The following DEPDC1B variants were observed in gnomAD, a reference collection of about 807,000 sequenced individuals.
DEPDC1B encodes DEP domain containing 1B.
A neutral mutation model predicts 66.5 loss-of-function variants in DEPDC1B; 51 were observed. That is an observed-to-expected ratio of 0.77 (90% CI 0.61 to 0.97). The LOEUF is 0.97. Among genes scored for constraint, DEPDC1B ranks in the 50% least tolerant of loss-of-function variants. The pLI is 0.00. For synonymous variants in DEPDC1B, 226 were observed against 223.6 expected (o/e 1.01, Z -0.10); for missense variants, 552 against 637.1 (o/e 0.87, Z 1.44).
intron 2 of DEPDC1B, among the ~76,000 whole-genome samples, chr5:60,653,139 C>T (rs920400948): frequency 2.0e-5 from 3 of 149,262 alleles, no homozygotes; most frequent in African/African-American, 7.6e-5. Flanking sequence ...TGTGGGATTG[C>T]TGGATCAAAT....
chr5:60,635,785 A>G (rs950705783), intron 7 of DEPDC1B, among the ~76,000 whole-genome samples: 1 of 152,214 alleles, frequency 6.6e-6, no homozygotes, highest in Non-Finnish European at 1.5e-5. Context: ...TTTTTTTTAA[A>G]AAAACAGAAA....
chr5:60,623,171 G>A (rs190938624), intron 7 of DEPDC1B, among the ~76,000 whole-genome samples: 1 of 152,080 alleles, frequency 6.6e-6, no homozygotes. Flanking sequence ...AGTGCATACA[G>A]TATACAGTAT....
chr5:60,618,597 G>A (rs1282672262), intron 7 of DEPDC1B, among the ~76,000 whole-genome samples: 3 of 152,162 alleles, frequency 2.0e-5, no homozygotes, highest in African/African-American at 7.2e-5. Context: ...GGAAGAAGTT[G>A]AATCTCTGAA....
At chr5:60,671,319 T>C (rs1203950118) in intron 2 of DEPDC1B, among the ~76,000 whole-genome samples, 1 of 152,180 alleles carries the variant, frequency 6.6e-6, no homozygotes, top group Non-Finnish European at 1.5e-5. Context: ...GGCAAGCGGA[T>C]CTGTGAAGCA....
rs529791149 is a variant in DEPDC1B, at chr5:60,618,414, G to C, written c.899-12558C>G. On this transcript the variant is annotated intron_variant, in intron 7 of 10. Transcript: ENST00000265036. ...AGCAAGACTAATAAAGAAGAAAAGAGAGAAGAATCAAATAGATGCAATAAA... is the reference window on the plus strand; with the variant it reads ...AGCAAGACTAATAAAGAAGAAAAGACAGAAGAATCAAATAGATGCAATAAA... Among the ~76,000 whole-genome samples the C allele has an allele frequency of 4.6e-5, 7 of 152,174 alleles. No homozygotes were observed. The South Asian group carries it at 1.2e-3, about 27-fold the overall frequency.
rs1471723800 is a variant in DEPDC1B at position 60,634,654 on chromosome 5, A to G, written c.898+4096T>C. ...GCCACTGCACTCCAGCCTGGGCAAC[A>G]CAGTGAGACTCTGTCTCAAAAAAAT... On this transcript the variant is annotated intron_variant, in intron 7 of 10. Coordinates refer to ENST00000265036, the MANE Select transcript of DEPDC1B (RefSeq NM_018369.3). 6.6e-5 allele frequency among the ~76,000 whole-genome samples: 10 copies of G among 151,150 alleles called. No homozygotes were observed. The East Asian group carries it at 1.2e-3, about 18-fold the overall frequency.
chr5:60,687,778 A>T (rs1287804154), intron 1 of DEPDC1B: 3 of 202,182 alleles, frequency 1.5e-5, no homozygotes, highest in African/African-American at 7.2e-5. Context: ...CAGCCGCCTC[A>T]GCCTCCCAAA....
At chr5:60,620,422 T>A (rs1752674491) in intron 7 of DEPDC1B, among the ~76,000 whole-genome samples, 3 of 152,000 alleles carry the variant, frequency 2.0e-5, no homozygotes, top group Non-Finnish European at 4.4e-5. Flanking sequence ...GAATCTACAA[T>A]GAACTCGAAC....
chr5:60,675,312 T>C (rs1754129793), intron 2 of DEPDC1B, among the ~76,000 whole-genome samples: 1 of 151,958 alleles, frequency 6.6e-6, no homozygotes, highest in Non-Finnish European at 1.5e-5. Context: ...ATGTATATTT[T>C]CATCATTATC....
intron 2 of DEPDC1B, among the ~76,000 whole-genome samples, chr5:60,679,863 T>C (rs1754257285): frequency 6.6e-6 from 1 of 152,184 alleles, no homozygotes; most frequent in Non-Finnish European, 1.5e-5. Flanking sequence ...CTAAGTTAGG[T>C]TTAAATAATA....
intron 8 of DEPDC1B, among the ~76,000 whole-genome samples, chr5:60,604,845 C>A (rs754270646): frequency 1.3e-5 from 2 of 152,082 alleles, no homozygotes; most frequent in African/African-American, 2.4e-5. Flanking sequence ...TCAAAAAGGT[C>A]TATTAGCCTC....
rs1451478293 is a variant in DEPDC1B, at chr5:60,645,528, T to C, written c.542A>G (p.Asn181Ser). ...LVHRRQLTEANVEEIWKSMTL... is the reference protein window; with the variant it reads ...LVHRRQLTEASVEEIWKSMTL... ...CATAGACTTCCATATCTCTTCTACATTGGCCTCTGTCAGCTGTCTGCGGTG... is the reference window on the plus strand; with the variant it reads ...CATAGACTTCCATATCTCTTCTACACTGGCCTCTGTCAGCTGTCTGCGGTG... Residue 181 changes from asparagine (N) to serine (S), a missense_variant, in exon 4 of 11, where the codon AAT (asparagine) becomes AGT (serine). Asn to Ser is a conservative substitution (Grantham distance 46). Transcript: ENST00000265036. 2 of 1,613,016 alleles carry C rather than the reference T, an allele frequency of 1.2e-6. No individual in the cohort carries two copies. Among genetic ancestry groups the C allele is most frequent in the African/African-American group, 1.3e-5 (1 of 74,882 alleles).
intron 2 of DEPDC1B, among the ~76,000 whole-genome samples, chr5:60,678,177 A>G (rs888144161): frequency 1.3e-5 from 2 of 152,086 alleles, no homozygotes; most frequent in Non-Finnish European, 2.9e-5. Context: ...ACATGTATAC[A>G]CTTGTGTATC....
chr5:60,602,165 G>A (rs1752212829), intron 9 of DEPDC1B, among the ~76,000 whole-genome samples: 1 of 150,408 alleles, frequency 6.6e-6, no homozygotes, highest in Admixed American at 6.6e-5. Context: ...GTGGGAAGGA[G>A]GGAAGGAAGG....
At chr5:60,695,221 G>T (rs1184245789) in intron 1 of DEPDC1B, among the ~76,000 whole-genome samples, 1 of 152,152 alleles carries the variant, frequency 6.6e-6, no homozygotes, top group Admixed American at 6.6e-5. Flanking sequence ...ATAAAGGAAA[G>T]AGGTTTAATC....
At chr5:60,653,510 C>G (rs951898632) in intron 2 of DEPDC1B, among the ~76,000 whole-genome samples, 29 of 152,266 alleles carry the variant, frequency 1.9e-4, no homozygotes, top group Admixed American at 1.8e-3. Flanking sequence ...AGTCCTTTGT[C>G]AGGTGCGTAC....
intron 2 of DEPDC1B, among the ~76,000 whole-genome samples, chr5:60,679,081 G>A (rs1754233693): frequency 6.6e-6 from 1 of 152,132 alleles, no homozygotes; most frequent in Non-Finnish European, 1.5e-5. Flanking sequence ...GGTTTATGTT[G>A]AGGTTCTTTT....
intron 2 of DEPDC1B, among the ~76,000 whole-genome samples, chr5:60,651,348 T>C (rs1933090767): frequency 6.6e-6 from 1 of 151,996 alleles, no homozygotes; most frequent in Non-Finnish European, 1.5e-5. Context: ...GCCAACATCG[T>C]GAAATCTCGT....
intron 1 of DEPDC1B, 95 bp from the exon 2 acceptor site, chr5:60,687,322 A>T: frequency 7.1e-7 from 1 of 1,406,184 alleles, no homozygotes; most frequent in African/African-American, 1.4e-5. Flanking sequence ...CAATTTTTCC[A>T]CTTAAACTGC....
Sources: allele counts gnomAD v4.1 joint callset (sites outside exome capture counted in the v4.1 genomes callset), GRCh38; gene constraint gnomAD v4.1.1; transcripts MANE v1.5; gene names NCBI Gene and HGNC (gene_info 2026-07-23, HGNC 2026-07-21).